CAMTA1: variants seen among roughly 807,000 people sequenced by gnomAD.
CAMTA1 encodes calmodulin binding transcription activator 1, also known as calmodulin-binding transcription activator 1.
CAMTA1 carries 27 observed loss-of-function variants against 170.9 expected under a neutral mutation model. That is an observed-to-expected ratio of 0.16 (90% CI 0.12 to 0.22). The LOEUF (loss-of-function observed/expected upper bound fraction) is 0.22. Ranked by LOEUF, CAMTA1 falls within the 10% of genes least tolerant of loss-of-function variation. CAMTA1 has a pLI of 1.00. For synonymous variants in CAMTA1, 833 were observed against 891.5 expected, an observed-to-expected ratio of 0.93 and a Z score of 1.17; for missense variants, 1,619 against 2,217.2, an observed-to-expected ratio of 0.73 and a Z score of 5.42.
intron 5 of CAMTA1, among the ~76,000 whole-genome samples, chr1:7,343,889 C>T (rs776680570): frequency 1.4e-4 from 22 of 152,212 alleles, no homozygotes; most frequent in African/African-American, 2.9e-4. Context: ...CATCAATTTT[C>T]GCAGCTGTGT....
At chr1:7,741,511 G>A (rs984434439) in intron 16 of CAMTA1, among the ~76,000 whole-genome samples, 2 of 151,334 alleles carry the variant, frequency 1.3e-5, no homozygotes, top group Admixed American at 6.6e-5. Context: ...GCAGCTAGCC[G>A]ACATCGCACC....
intron 6 of CAMTA1, among the ~76,000 whole-genome samples, chr1:7,575,311 C>G (rs2095177388): frequency 6.6e-6 from 1 of 152,208 alleles, no homozygotes; most frequent in South Asian, 2.1e-4. Context: ...GACTCTGTCT[C>G]TCTGGATAGA....
chr1:6,801,211 C>T (rs1413350734), intron 1 of CAMTA1, among the ~76,000 whole-genome samples: 1 of 152,224 alleles, frequency 6.6e-6, no homozygotes, highest in Non-Finnish European at 1.5e-5. Context: ...TGTACTGAAT[C>T]TAATTATTCT....
chr1:7,376,411 G>C (rs2086848239), intron 5 of CAMTA1, among the ~76,000 whole-genome samples: 2 of 152,168 alleles, frequency 1.3e-5, no homozygotes, highest in Non-Finnish European at 2.9e-5. Context: ...GACTGTACCT[G>C]CCACCACACA....
intron 6 of CAMTA1, among the ~76,000 whole-genome samples, chr1:7,507,833 C>G (rs988234193): frequency 1.3e-5 from 2 of 152,226 alleles, no homozygotes; most frequent in African/African-American, 2.4e-5. Context: ...AGCCTCCTAA[C>G]AAGCCTCCAC....
chr1:7,376,103 C>A (rs2086824959), intron 5 of CAMTA1, among the ~76,000 whole-genome samples: 1 of 152,238 alleles, frequency 6.6e-6, no homozygotes, highest in African/African-American at 2.4e-5. Flanking sequence ...CACCTAAGGG[C>A]TCCCTTGGGT....
In CAMTA1 at chr1:7,159,090, G is replaced by A. The variant is rs74051165; in HGVS notation, c.302+67719G>A. On this transcript the variant is annotated intron_variant, in intron 4 of 22. Coordinates refer to ENST00000303635, the MANE Select transcript of CAMTA1 (RefSeq NM_015215.4). Reference sequence around the variant, plus strand: ...TTTTTTTTAATTATATGGCTCTTAAGTTGTTTTCTTTTTTTAAAGGAAATA... The same window carrying A: ...TTTTTTTTAATTATATGGCTCTTAAATTGTTTTCTTTTTTTAAAGGAAATA... 3.4e-3 allele frequency among the ~76,000 whole-genome samples: 512 copies of A among 151,942 alleles called. 1 individual carries two copies. The highest frequency in any genetic ancestry group is 0.012 in the African/African-American group (499 of 41,402).
intron 5 of CAMTA1, among the ~76,000 whole-genome samples, chr1:7,327,047 A>G (rs115615376): frequency 0.014 from 2,103 of 152,294 alleles, 27 homozygotes; most frequent in Middle Eastern, 0.027. Context: ...CCATTGATTC[A>G]GCAATGAGGA....
intron 16 of CAMTA1, among the ~76,000 whole-genome samples, chr1:7,741,827 G>T (rs2096820098): frequency 6.6e-6 from 1 of 151,938 alleles, no homozygotes; most frequent in Admixed American, 6.6e-5. Context: ...CCCTGGAGGT[G>T]GAGGTTTTGC....
At chr1:6,871,648 C>T in intron 3 of CAMTA1, 2 of 898,474 alleles carry the variant, frequency 2.2e-6, no homozygotes, top group Non-Finnish European at 3.3e-6. Flanking sequence ...AATGGCTCTA[C>T]ACGACATCAG....
intron 4 of CAMTA1, among the ~76,000 whole-genome samples, chr1:7,198,171 C>T (rs966575630): frequency 6.6e-6 from 1 of 152,002 alleles, no homozygotes. Flanking sequence ...CCTTGCCTTT[C>T]TCTTGCATAA....
intron 5 of CAMTA1, among the ~76,000 whole-genome samples, chr1:7,274,610 A>G (rs1445106370): frequency 6.6e-6 from 1 of 152,162 alleles, no homozygotes; most frequent in Admixed American, 6.5e-5. Flanking sequence ...TTTTTGAAAT[A>G]AATACCCAAC....
chr1:6,872,383 TG>T (rs1668662594), intron 3 of CAMTA1, among the ~76,000 whole-genome samples: 1 of 152,236 alleles, frequency 6.6e-6, no homozygotes, highest in Non-Finnish European at 1.5e-5. Context: ...TGAAGTATTT[TG>T]GGGAGAAAAA....
chr1:7,546,381 A>AT (rs1259096692), intron 6 of CAMTA1, among the ~76,000 whole-genome samples: 1 of 152,226 alleles, frequency 6.6e-6, no homozygotes, highest in Non-Finnish European at 1.5e-5. Flanking sequence ...TATGTACCAC[A>AT]TTTTTAAAAT....
In CAMTA1 at chr1:7,547,382, A is replaced by G. The variant is rs1302013000; in HGVS notation, c.510+79481A>G. Among the ~76,000 whole-genome samples the G allele has an allele frequency of 2.0e-5, 3 of 151,554 alleles. No individual in the cohort carries two copies. Among genetic ancestry groups the G allele is most frequent in the African/African-American group, 7.3e-5 (3 of 41,256 alleles). Reference sequence around the variant, plus strand: ...CACACACACACACACACACACACACACACACACAGAGTTGGCCTTCCACAT... The same window carrying G: ...CACACACACACACACACACACACACGCACACACAGAGTTGGCCTTCCACAT... On this transcript the variant is annotated intron_variant, in intron 6 of 22. Coordinates refer to ENST00000303635, the MANE Select transcript of CAMTA1 (RefSeq NM_015215.4). The surrounding 1 kb of genome is among the most constrained non-coding windows in gnomAD (Gnocchi z 5.7).
intron 3 of CAMTA1, among the ~76,000 whole-genome samples, chr1:6,997,063 T>C (rs1002852890): frequency 6.6e-6 from 1 of 152,224 alleles, no homozygotes; most frequent in African/African-American, 2.4e-5. Flanking sequence ...AGCATTCTTA[T>C]GTTACAGTCT....
At chr1:7,309,410 G>C (rs571739497) in intron 5 of CAMTA1, among the ~76,000 whole-genome samples, 1 of 140,908 alleles carries the variant, frequency 7.1e-6, no homozygotes, top group African/African-American at 2.6e-5. Context: ...AGCAATTCTC[G>C]TGCCTCAGCC....
At chr1:6,879,107 G>C (rs1390518312) in intron 3 of CAMTA1, among the ~76,000 whole-genome samples, 1 of 152,084 alleles carries the variant, frequency 6.6e-6, no homozygotes, top group Non-Finnish European at 1.5e-5. Flanking sequence ...GCTTGAAAAA[G>C]AGTCCATGTT....
rs531846560 is a variant in CAMTA1 at position 7,064,328 on chromosome 1, G to A, written c.235-26976G>A. ...TATGAAGCCATTAATATAATCATGA[G>A]GACACCTACCTTCATGACTTGTCTC... On this transcript the variant is annotated intron_variant, in intron 3 of 22. Coordinates refer to ENST00000303635, the MANE Select transcript of CAMTA1 (RefSeq NM_015215.4). This position sits in a 1 kb window ranked among gnomAD's most constrained non-coding sequence, Gnocchi z 5.4. Among the ~76,000 whole-genome samples, 10 of 152,038 alleles carry A rather than the reference G, an allele frequency of 6.6e-5. No individual in the cohort carries two copies. Among genetic ancestry groups the A allele is most frequent in the Admixed American group, 5.9e-4 (9 of 15,272 alleles).
Sources: gnomAD v4.1 joint callset for allele counts (sites outside exome capture counted in the v4.1 genomes callset) on GRCh38, gnomAD v4.1.1 for gene constraint, Gnocchi (gnomAD v3.1) non-coding constraint, MANE v1.5 for transcripts, NCBI Gene and HGNC (gene_info 2026-07-23, HGNC 2026-07-21) for gene names.